LAMC1: variants seen among roughly 807,000 people sequenced by gnomAD.
LAMC1 encodes the protein laminin subunit gamma-1.
LAMC1 carries 38 observed loss-of-function variants against 173.6 expected under a neutral mutation model. That is an observed-to-expected ratio of 0.22 (90% confidence interval 0.17 to 0.29). The LOEUF is 0.29. Ranked by LOEUF, LAMC1 falls within the 10% of genes least tolerant of loss-of-function variation. The pLI, the probability that LAMC1 is intolerant of heterozygous loss-of-function variation, is 1.00. For missense variants in LAMC1, 1,824 were observed against 2,051.8 expected (o/e 0.89, Z 2.14); for synonymous variants, 746 against 749.1 (o/e 1.00, Z 0.07).
chr1:183,077,126 C>T (rs10752893), intron 1 of LAMC1, among the ~76,000 whole-genome samples: 51,486 of 151,990 alleles, frequency 0.34, 9,777 homozygotes, highest in East Asian at 0.49. Flanking sequence ...AAGAAAGGAC[C>T]TAAAAGGAAA....
chr1:183,092,525 G>A (rs1323744020), intron 1 of LAMC1, among the ~76,000 whole-genome samples: 1 of 152,060 alleles, frequency 6.6e-6, no homozygotes, highest in Non-Finnish European at 1.5e-5. Flanking sequence ...CAAAAGCTCT[G>A]TGGGTGATTC....
intron 17 of LAMC1, among the ~76,000 whole-genome samples, chr1:183,128,153 G>A (rs1656670386): frequency 1.3e-5 from 2 of 152,250 alleles, no homozygotes; most frequent in African/African-American, 4.8e-5. Flanking sequence ...GAGGTAAGAG[G>A]TATAATTTTG....
chr1:183,079,950 C>T (rs979445993), intron 1 of LAMC1, among the ~76,000 whole-genome samples: 1 of 152,206 alleles, frequency 6.6e-6, no homozygotes, highest in African/African-American at 2.4e-5. Flanking sequence ...ATGTCAAAAA[C>T]GTGTTTTTTT....
In LAMC1 at chr1:183,103,533, A is replaced by C; in HGVS notation, c.624A>C (p.Glu208Asp). 1 of 1,613,788 alleles carries C rather than the reference A, an allele frequency of 6.2e-7. No individual in the cohort carries two copies. The highest frequency in any genetic ancestry group is 8.5e-7 in the Non-Finnish European group (1 of 1,179,764). Reference protein sequence around the residue: ...GDEQQALCTDEFSDISPLTGG... With the variant: ...GDEQQALCTDDFSDISPLTGG... Reference sequence around the variant, plus strand: ...AGCAGCAGGCCTTGTGTACTGATGAATTCAGTGACATTTCTCCCCTCACTG... The same window carrying C: ...AGCAGCAGGCCTTGTGTACTGATGACTTCAGTGACATTTCTCCCCTCACTG... The change falls in exon 2 of 28, where the codon GAA becomes GAC. Residue 208 changes from glutamate (E) to aspartate (D), a missense_variant. Transcript: ENST00000258341.
intron 1 of LAMC1, among the ~76,000 whole-genome samples, chr1:183,039,630 G>C (rs954591602): frequency 1.3e-5 from 2 of 152,070 alleles, no homozygotes; most frequent in African/African-American, 4.8e-5. Flanking sequence ...TCAACTCCTG[G>C]GTAGACTTCA....
In LAMC1 at chr1:183,125,515, A is replaced by G. The variant is rs1168833309; in HGVS notation, c.2766A>G (p.Gly922=). 1.9e-6 allele frequency: 3 copies of G among 1,612,314 alleles called. No individual in the cohort carries two copies. In the East Asian group the frequency reaches 6.7e-5, roughly 36 times the overall value. ...AGGACTGTGGTGCTTGTGACCCTGG[A>G]TTCTACAATCTGCAGAGTGGGCAAG... The part of the protein sequence containing the change: ...TGQDCGACDP[G]FYNLQSGQGC... Residue 922 remains glycine, a synonymous_variant, in exon 15 of 28, where the codon GGA becomes GGG. Coordinates refer to ENST00000258341, the MANE Select transcript of LAMC1 (RefSeq NM_002293.4).
chr1:183,137,767 A>C lies in LAMC1; in HGVS notation c.4413A>C (p.Ala1471=). Residue 1471 remains alanine (A), a synonymous_variant, in exon 26 of 28, where the codon GCA becomes GCC. Transcript: ENST00000258341. ...VNNMLKQLQE[A]EKELKRKQDD... The stretch of plus-strand genomic sequence containing the variant: ...ATATGTTGAAGCAACTGCAGGAAGC[A>C]GAAAAAGAGCTAAAGAGAAAACAAG... 6.2e-7 allele frequency: 1 copy of C among 1,612,182 alleles called. No individual in the cohort carries two copies. Among genetic ancestry groups the C allele is most frequent in the Non-Finnish European group, 8.5e-7 (1 of 1,178,896 alleles).
intron 1 of LAMC1, among the ~76,000 whole-genome samples, chr1:183,028,780 C>G (rs1012924354): frequency 6.6e-6 from 1 of 152,202 alleles, no homozygotes; most frequent in African/African-American, 2.4e-5. Context: ...CCTCTCTTTT[C>G]ATGCTGTTCA....
In LAMC1 at chr1:183,121,875, C is replaced by T. The variant is rs753715089; in HGVS notation, c.2143C>T (p.Leu715Phe). The change falls in exon 12 of 28, where the codon CTT becomes TTT. Residue 715 changes from leucine (L) to phenylalanine (F), a missense_variant. Coordinates refer to ENST00000258341, the MANE Select transcript of LAMC1 (RefSeq NM_002293.4). ...AGGTTACAGAAGAGAAACTCCTAAT[C>T]TTGGACCATACAGTCCATGTGTGCT... Reference protein sequence around the residue: ...LSGYRRETPNLGPYSPCVLCA... With the variant: ...LSGYRRETPNFGPYSPCVLCA... The T allele has an allele frequency of 6.2e-7, 1 of 1,614,088 alleles. No homozygotes were observed. The highest frequency in any genetic ancestry group is 1.1e-5 in the South Asian group (1 of 91,082).
chr1:183,089,699 G>A (rs1355098462), intron 1 of LAMC1, among the ~76,000 whole-genome samples: 1 of 152,212 alleles, frequency 6.6e-6, no homozygotes, highest in South Asian at 2.1e-4. Flanking sequence ...AATTTAGATC[G>A]ACTTCTGATT....
rs1465662251 is a variant in LAMC1, at chr1:183,117,715, T to C, written c.1869T>C (p.Tyr623=). 2.5e-6 allele frequency: 4 copies of C among 1,613,084 alleles called. No individual in the cohort carries two copies. The highest frequency in any genetic ancestry group is 1.7e-5 in the Admixed American group (1 of 59,954). The change falls in exon 10 of 28, where the codon TAT becomes TAC. Residue 623 remains tyrosine (Y), a synonymous_variant. Transcript: ENST00000258341. ...ATCCAAGTGAGACCACTGTGAAGTA[T>C]GTCTTCAGGTAAGATAGCCTTCTTT... The part of the protein sequence containing the change: ...NSYPSETTVK[Y]VFRLHEATDY...
At chr1:183,082,987 G>GA (rs1655326201) in intron 1 of LAMC1, among the ~76,000 whole-genome samples, 1 of 152,212 alleles carries the variant, frequency 6.6e-6, no homozygotes, top group Admixed American at 6.5e-5. Flanking sequence ...TGAAGTTAGT[G>GA]AAATGCTCAT....
At chr1:183,088,962 T>A (rs1480634978) in intron 1 of LAMC1, among the ~76,000 whole-genome samples, 1 of 152,226 alleles carries the variant, frequency 6.6e-6, no homozygotes, top group Non-Finnish European at 1.5e-5. Context: ...TGTGATAACA[T>A]GCCTGAGGAG....
At chr1:183,079,268 T>TTTTTTTTTTTTTTTTTTTG (rs1415013383) in intron 1 of LAMC1, among the ~76,000 whole-genome samples, 1 of 98,308 alleles carries the variant, frequency 1.0e-5, no homozygotes, top group African/African-American at 3.9e-5. Context: ...TTTTTTTTTT[T>TTTTTTTTTTTTTTTTTTTG]TTTTGAGATG....
intron 1 of LAMC1, among the ~76,000 whole-genome samples, chr1:183,035,618 G>A (rs918191474): frequency 6.6e-6 from 1 of 152,196 alleles, no homozygotes; most frequent in Non-Finnish European, 1.5e-5. Context: ...GATTTTGTCA[G>A]TGTCTGTTGA....
intron 2 of LAMC1, among the ~76,000 whole-genome samples, chr1:183,105,111 C>A (rs1201876176): frequency 3.3e-5 from 5 of 149,390 alleles, no homozygotes; most frequent in Admixed American, 2.7e-4. Context: ...TCCCAGCTAC[C>A]CTGGCTGGGA....
rs1189754362 is a variant in LAMC1 at position 183,114,597 on chromosome 1, A to T, written c.1088A>T (p.His363Leu). ...CCTGAACTCTATCGTTCCACTGGCC[A>T]TGGGGGCCACTGTACCAACTGCCAG... ...FDPELYRSTG[H>L]GGHCTNCQDN... The change falls in exon 5 of 28, where the codon CAT becomes CTT. Residue 363 changes from histidine to leucine, a missense_variant. Coordinates refer to ENST00000258341, the MANE Select transcript of LAMC1 (RefSeq NM_002293.4). 3.7e-6 allele frequency: 6 copies of T among 1,614,094 alleles called. No homozygotes were observed. In the South Asian group the frequency reaches 6.6e-5, roughly 18 times the overall value.
chr1:183,061,103 T>C (rs1357904938), intron 1 of LAMC1, among the ~76,000 whole-genome samples: 5 of 152,164 alleles, frequency 3.3e-5, no homozygotes, highest in African/African-American at 1.2e-4. Flanking sequence ...ACTAGGGTGA[T>C]GTCGATCAGA....
intron 1 of LAMC1, among the ~76,000 whole-genome samples, chr1:183,080,230 ACT>A (rs1474010826): frequency 5.3e-5 from 8 of 151,942 alleles, no homozygotes; most frequent in Admixed American, 1.3e-4. Context: ...GGTAACACAG[ACT>A]CTGTCTTAAA....
Sources: allele counts gnomAD v4.1 joint callset (sites outside exome capture counted in the v4.1 genomes callset), GRCh38; gene constraint gnomAD v4.1.1; transcripts MANE v1.5; gene names NCBI Gene and HGNC (gene_info 2026-07-23, HGNC 2026-07-21).